Variants in OSBPL6 observed in about 807,000 individuals in gnomAD.
OSBPL6 encodes oxysterol-binding protein-related protein 6.
OSBPL6 carries 49 observed loss-of-function variants against 125.8 expected under a neutral mutation model. The observed-to-expected ratio is 0.39, with a 90% CI of 0.31 to 0.49. The LOEUF (loss-of-function observed/expected upper bound fraction) is 0.49, where lower values mean the gene tolerates loss of function less well. Ranked by LOEUF, OSBPL6 falls within the 20% of genes least tolerant of loss-of-function variation. The pLI, the probability that OSBPL6 is intolerant of heterozygous loss-of-function variation, is 0.88. For missense variants in OSBPL6, 986 were observed against 1,135.4 expected (o/e 0.87, Z 1.89); for synonymous variants, 394 against 391.8 (o/e 1.01, Z -0.07).
intron 21 of OSBPL6, among the ~76,000 whole-genome samples, chr2:178,389,836 C>T (rs1233440823): frequency 6.6e-6 from 1 of 152,112 alleles, no homozygotes; most frequent in Non-Finnish European, 1.5e-5. Context: ...ATTCATGATC[C>T]CATTCTAATA....
chr2:178,252,458 A>G (rs1339195851), intron 1 of OSBPL6, among the ~76,000 whole-genome samples: 3 of 151,630 alleles, frequency 2.0e-5, no homozygotes, highest in East Asian at 3.8e-4. Context: ...CCCACAGACC[A>G]TATTTTGTGG....
chr2:178,263,907 C>G (rs562106710), intron 1 of OSBPL6, among the ~76,000 whole-genome samples: 1 of 152,038 alleles, frequency 6.6e-6, no homozygotes, highest in African/African-American at 2.4e-5. Context: ...AAAACTGCCT[C>G]AGGATCCCTG....
chr2:178,373,344 AACTT>A (rs1293657091), intron 14 of OSBPL6, among the ~76,000 whole-genome samples: 2 of 152,224 alleles, frequency 1.3e-5, no homozygotes, highest in African/African-American at 4.8e-5. Flanking sequence ...TTTTTATTGA[AACTT>A]AAATAGCTTC....
chr2:178,279,307 C>T (rs936225271), intron 1 of OSBPL6, among the ~76,000 whole-genome samples: 1 of 152,116 alleles, frequency 6.6e-6, no homozygotes, highest in Non-Finnish European at 1.5e-5. Flanking sequence ...GTGGGCAAAA[C>T]CCAGGCTGTT....
chr2:178,382,016 C>A (rs572889478), intron 15 of OSBPL6, among the ~76,000 whole-genome samples: 128 of 152,310 alleles, frequency 8.4e-4, no homozygotes, highest in African/African-American at 2.9e-3. Context: ...TTAAATATTG[C>A]CCCCTGGGCA....
intron 1 of OSBPL6, among the ~76,000 whole-genome samples, chr2:178,226,677 C>T (rs768073720): frequency 1.6e-4 from 25 of 152,132 alleles, no homozygotes; most frequent in Non-Finnish European, 3.2e-4. Flanking sequence ...TTATCTTTAA[C>T]GGATTCCTGC....
Position 178,289,458 on chromosome 2 carries a change from A to G in OSBPL6, c.-156+4337A>G, listed in dbSNP as rs540518983. Among the ~76,000 whole-genome samples, 26 of 152,350 alleles carry G rather than the reference A, an allele frequency of 1.7e-4. No homozygotes were observed. The South Asian group carries it at 5.4e-3, about 32-fold the overall frequency. ...CCTTCTCCATTTATCAGAAGTCATT[A>G]GAAGTAGACATCATGTCATATCCAC... On this transcript the variant is annotated intron_variant, in intron 2 of 24. Transcript: ENST00000190611.
At chr2:178,231,638 ATTTTT>A (rs71023433) in intron 1 of OSBPL6, among the ~76,000 whole-genome samples, 3 of 84,570 alleles carry the variant, frequency 3.5e-5, no homozygotes, top group Admixed American at 1.4e-4. Context: ...GGGTGGTCCC[ATTTTT>A]TTTTTTTTTT....
intron 1 of OSBPL6, among the ~76,000 whole-genome samples, chr2:178,265,191 CTTTTT>C (rs376718500): frequency 4.6e-3 from 155 of 33,640 alleles, no homozygotes; most frequent in African/African-American, 7.5e-3. Context: ...CCAGACGAGA[CTTTTT>C]TTTTTTTTTT....
At chr2:178,386,645 T>C (rs1456916959) in intron 19 of OSBPL6, among the ~76,000 whole-genome samples, 2 of 152,252 alleles carry the variant, frequency 1.3e-5, no homozygotes, top group East Asian at 1.9e-4. Context: ...TTAAAACTTA[T>C]AACAACCTTT....
chr2:178,267,402 A>G (rs1411209160), intron 1 of OSBPL6, among the ~76,000 whole-genome samples: 1 of 151,768 alleles, frequency 6.6e-6, no homozygotes, highest in Admixed American at 6.6e-5. Context: ...ATTTTCTTCA[A>G]TGACATGAGT....
intron 2 of OSBPL6, among the ~76,000 whole-genome samples, chr2:178,287,965 T>C (rs1684869795): frequency 2.6e-5 from 1 of 38,982 alleles, no homozygotes; most frequent in African/African-American, 9.9e-5. Context: ...ACAGGTTGAT[T>C]TTTTTTTTTT....
At chr2:178,262,206 T>C (rs1574666991) in intron 1 of OSBPL6, among the ~76,000 whole-genome samples, 1 of 152,218 alleles carries the variant, frequency 6.6e-6, no homozygotes, top group Non-Finnish European at 1.5e-5. Flanking sequence ...AGCATAGAGA[T>C]AGAATTTTTT....
intron 4 of OSBPL6, among the ~76,000 whole-genome samples, chr2:178,327,457 G>C (rs75940249): frequency 6.6e-6 from 1 of 152,276 alleles, no homozygotes; most frequent in East Asian, 1.9e-4. Context: ...TAAGAACAGA[G>C]AGAGAGCTCT....
chr2:178,196,441 A>T (rs170792), intron 1 of OSBPL6, among the ~76,000 whole-genome samples: 3 of 152,078 alleles, frequency 2.0e-5, no homozygotes, highest in Non-Finnish European at 4.4e-5. Context: ...CATTCAGTGG[A>T]TGGATTACCT....
At chr2:178,195,019 C>T (rs1413750131) in intron 1 of OSBPL6, among the ~76,000 whole-genome samples, 2 of 152,140 alleles carry the variant, frequency 1.3e-5, no homozygotes, top group African/African-American at 4.8e-5. Flanking sequence ...CGGGCCGGCG[C>T]CCCTGCTCCC....
chr2:178,232,539 G>A (rs781201986), intron 1 of OSBPL6, among the ~76,000 whole-genome samples: 1 of 152,122 alleles, frequency 6.6e-6, no homozygotes, highest in Non-Finnish European at 1.5e-5. Flanking sequence ...TAAGGTAGTC[G>A]TGATGGCTAA....
intron 1 of OSBPL6, among the ~76,000 whole-genome samples, chr2:178,195,369 C>T: frequency 6.6e-6 from 1 of 152,220 alleles, no homozygotes; most frequent in East Asian, 1.9e-4. Flanking sequence ...GCAGTCAAGA[C>T]GTGCTTCCCC....
chr2:178,236,706 G>A (rs553485889), intron 1 of OSBPL6, among the ~76,000 whole-genome samples: 173 of 152,254 alleles, frequency 1.1e-3, no homozygotes, highest in African/African-American at 3.5e-3. Flanking sequence ...GAATTCTCCC[G>A]CCCCCGCTTG....
Sources: gnomAD v4.1 joint callset for allele counts (sites outside exome capture counted in the v4.1 genomes callset) on GRCh38, gnomAD v4.1.1 for gene constraint, MANE v1.5 for transcripts, NCBI Gene and HGNC (gene_info 2026-07-23, HGNC 2026-07-21) for gene names.